CDH6: variants seen among roughly 807,000 people sequenced by gnomAD.
CDH6 encodes cadherin 6.
Under a neutral mutation model 78.0 loss-of-function variants are expected in CDH6, and 31 were observed. The observed-to-expected ratio is 0.40, with a 90% CI of 0.30 to 0.54. The LOEUF (loss-of-function observed/expected upper bound fraction) is 0.54, where lower values mean the gene tolerates loss of function less well. Among genes scored for constraint, CDH6 ranks in the 20% least tolerant of loss-of-function variants. The pLI is 0.56. For missense variants in CDH6, 724 were observed against 975.9 expected, an observed-to-expected ratio of 0.74 and a Z score of 3.44; for synonymous variants, 376 against 368.8, an observed-to-expected ratio of 1.02 and a Z score of -0.23.
At chr5:31,301,724 C>G (rs1487173065) in intron 5 of CDH6, among the ~76,000 whole-genome samples, 1 of 152,124 alleles carries the variant, frequency 6.6e-6, no homozygotes, top group African/African-American at 2.4e-5. Context: ...TTAAAGAATA[C>G]CTAGTAATTA....
intron 11 of CDH6, chr5:31,318,575 G>A (rs965375785): frequency 1.7e-5 from 4 of 228,836 alleles, no homozygotes; most frequent in African/African-American, 6.7e-5. Context: ...TGGAAATCAG[G>A]GTCTAACAAT....
rs141792919 is a variant in CDH6, at chr5:31,227,294, T to A, written c.-129+33408T>A. 3.0e-4 allele frequency among the ~76,000 whole-genome samples: 46 copies of A among 152,278 alleles called. 1 individual carries two copies. The East Asian group carries it at 8.1e-3, about 27-fold the overall frequency. On this transcript the variant is annotated intron_variant, in intron 1 of 11. Transcript: ENST00000265071. Reference sequence around the variant, plus strand: ...CCTCACCCTCTCCTCCACTCCACGGTGGACGTGGAAGACAATCTACTTGGG... The same window carrying A: ...CCTCACCCTCTCCTCCACTCCACGGAGGACGTGGAAGACAATCTACTTGGG...
chr5:31,227,535 T>C (rs1741186864), intron 1 of CDH6, among the ~76,000 whole-genome samples: 1 of 152,140 alleles, frequency 6.6e-6, no homozygotes, highest in Non-Finnish European at 1.5e-5. Flanking sequence ...CGTTCTAGAA[T>C]AGAATGTACA....
At chr5:31,223,780 C>G (rs1579828859) in intron 1 of CDH6, among the ~76,000 whole-genome samples, 2 of 151,590 alleles carry the variant, frequency 1.3e-5, no homozygotes, top group East Asian at 1.9e-4. Flanking sequence ...TTTGATGCAC[C>G]CTTCATTTGG....
At chr5:31,199,559 T>C (rs902787851) in intron 1 of CDH6, among the ~76,000 whole-genome samples, 1 of 148,114 alleles carries the variant, frequency 6.8e-6, no homozygotes, top group Non-Finnish European at 1.5e-5. Context: ...CATATGTGTA[T>C]ATATATGCTC....
rs1380890558 is a variant in CDH6, at chr5:31,323,622, T to C, written c.*314T>C. The C allele has an allele frequency of 2.8e-6, 1 of 351,974 alleles. No homozygotes were observed. Among genetic ancestry groups the C allele is most frequent in the Non-Finnish European group, 5.2e-6 (1 of 190,868 alleles). 21.8% of individuals were successfully genotyped at this position (351,974 alleles called of 1,614,324 possible). A position where few individuals can be genotyped will look rare whatever the true frequency, so the allele number is the denominator to read the frequency against. On this transcript the variant is annotated 3_prime_UTR_variant, in exon 12 of 12. Coordinates refer to ENST00000265071, the MANE Select transcript of CDH6 (RefSeq NM_004932.4). ...GCCCGCTTCCGCTGTCCTGGTGTTT[T>C]ACTACACTCCATGTCAGGTCAGCCA...
chr5:31,207,169 C>T (rs968455818), intron 1 of CDH6, among the ~76,000 whole-genome samples: 3 of 152,104 alleles, frequency 2.0e-5, no homozygotes, highest in African/African-American at 7.2e-5. Flanking sequence ...ACAGATAATG[C>T]CATGCCTTGA....
chr5:31,213,855 T>TC (rs67757184), intron 1 of CDH6, among the ~76,000 whole-genome samples: 50 of 152,082 alleles, frequency 3.3e-4, no homozygotes, highest in African/African-American at 6.5e-4. Context: ...TGACATAACA[T>TC]CCCCCCTCCT....
chr5:31,322,155 G>A (rs1362193409), intron 11 of CDH6, among the ~76,000 whole-genome samples: 1 of 152,094 alleles, frequency 6.6e-6, no homozygotes, highest in Non-Finnish European at 1.5e-5. Flanking sequence ...GAAATAATAT[G>A]GCATGTGGAT....
At chr5:31,257,203 G>C (rs1742079699) in intron 1 of CDH6, among the ~76,000 whole-genome samples, 1 of 151,426 alleles carries the variant, frequency 6.6e-6, no homozygotes, top group African/African-American at 2.5e-5. Context: ...TTGCTCTGTC[G>C]CCCAGGTGGA....
chr5:31,308,323 T>C (rs1738048199), intron 7 of CDH6, among the ~76,000 whole-genome samples: 1 of 151,930 alleles, frequency 6.6e-6, no homozygotes, highest in Admixed American at 6.6e-5. Flanking sequence ...ATACAAATTA[T>C]GAAAAATTTA....
chr5:31,276,109 A>G (rs546348863), intron 2 of CDH6, among the ~76,000 whole-genome samples: 1 of 152,358 alleles, frequency 6.6e-6, no homozygotes, highest in East Asian at 1.9e-4. Context: ...TACCAAGATG[A>G]CAATAAAATG....
At chr5:31,242,630 C>T (rs985812177) in intron 1 of CDH6, among the ~76,000 whole-genome samples, 4 of 150,936 alleles carry the variant, frequency 2.7e-5, no homozygotes, top group Non-Finnish European at 5.9e-5. Flanking sequence ...GTGTCTTTTA[C>T]AAGAGGGAGG....
At chr5:31,204,166 C>T (rs1740449269) in intron 1 of CDH6, among the ~76,000 whole-genome samples, 2 of 152,108 alleles carry the variant, frequency 1.3e-5, no homozygotes, top group Admixed American at 1.3e-4. Flanking sequence ...TTTTTTCTTC[C>T]TCAAGTTCAC....
At chr5:31,302,324 C>T (rs1486100070) in intron 6 of CDH6, 26 bp downstream of exon 6, 3 of 1,532,430 alleles carry the variant, frequency 2.0e-6, no homozygotes, top group African/African-American at 2.7e-5. Flanking sequence ...AAACACCATA[C>T]AGAGTGAACC....
At chr5:31,302,804 GAAAGAA>G (rs1561066026) in intron 6 of CDH6, among the ~76,000 whole-genome samples, 5 of 88,460 alleles carry the variant, frequency 5.7e-5, no homozygotes, top group African/African-American at 1.9e-4. Flanking sequence ...GAGAGAGAAA[GAAAGAA>G]AGAAAGAAAG....
At chr5:31,203,997 A>G (rs1035495388) in intron 1 of CDH6, among the ~76,000 whole-genome samples, 2 of 152,228 alleles carry the variant, frequency 1.3e-5, no homozygotes, top group African/African-American at 4.8e-5. Context: ...AATGTACCCA[A>G]GAGGAGGTGG....
At chr5:31,291,228 A>G (rs1743153436) in intron 2 of CDH6, among the ~76,000 whole-genome samples, 1 of 151,804 alleles carries the variant, frequency 6.6e-6, no homozygotes, top group Non-Finnish European at 1.5e-5. Context: ...TTGATCACAG[A>G]TTTTACCTTA....
chr5:31,250,847 G>C (rs149235545), intron 1 of CDH6: 1 of 152,794 alleles, frequency 6.5e-6, no homozygotes, highest in Non-Finnish European at 1.5e-5. Flanking sequence ...ACAGCTCTCT[G>C]CAAAACCCAC....
Sources: gnomAD v4.1 joint callset for allele counts (sites outside exome capture counted in the v4.1 genomes callset) on GRCh38, gnomAD v4.1.1 for gene constraint, MANE v1.5 for transcripts, NCBI Gene and HGNC (gene_info 2026-07-23, HGNC 2026-07-21) for gene names.